The following MAP3K9 variants were observed in gnomAD, a reference collection of about 807,000 sequenced individuals.
The protein encoded by MAP3K9 is mitogen-activated protein kinase kinase kinase 9.
A neutral mutation model predicts 95.8 loss-of-function variants in MAP3K9; 46 were observed. That is an observed-to-expected ratio of 0.48 (90% CI 0.38 to 0.61). MAP3K9 has a LOEUF of 0.61. MAP3K9 is among the 20% of genes least tolerant of loss of function. The probability of loss-of-function intolerance (pLI) is 0.00; values close to 1 mark genes in which losing one functional copy is unlikely to be tolerated. For synonymous variants in MAP3K9, 533 were observed against 593.8 expected (o/e 0.90, Z 1.49); for missense variants, 1,296 against 1,474.3 (o/e 0.88, Z 1.98).
At chr14:70,771,780 A>C (rs578036980) in intron 2 of MAP3K9, among the ~76,000 whole-genome samples, 1 of 152,336 alleles carries the variant, frequency 6.6e-6, no homozygotes, top group African/African-American at 2.4e-5. Context: ...AGCCCTATTC[A>C]TTAGACACAG....
chr14:70,739,759 GT>G, intron 7 of MAP3K9: 1 of 896,520 alleles, frequency 1.1e-6, no homozygotes, highest in East Asian at 2.7e-5. Context: ...TCACACACCA[GT>G]TTCTAAATTG....
chr14:70,792,909 T>C (rs1472440005), intron 2 of MAP3K9, among the ~76,000 whole-genome samples: 2 of 152,242 alleles, frequency 1.3e-5, no homozygotes, highest in African/African-American at 4.8e-5. Flanking sequence ...GGTGAAAGCA[T>C]GTCTTCAGCT....
chr14:70,760,769 C>G (rs2054362880), intron 3 of MAP3K9, among the ~76,000 whole-genome samples: 1 of 152,104 alleles, frequency 6.6e-6, no homozygotes, highest in African/African-American at 2.4e-5. Context: ...AGGGAGCAAT[C>G]ACCAGCAAAA....
At chr14:70,807,862 T>C (rs10873243) in intron 1 of MAP3K9, among the ~76,000 whole-genome samples, 11 of 151,906 alleles carry the variant, frequency 7.2e-5, no homozygotes, top group Admixed American at 4.6e-4. Context: ...GTATGAAATA[T>C]GGGGCTCCTG....
chr14:70,759,040 G>C (rs1190086889), intron 3 of MAP3K9, among the ~76,000 whole-genome samples: 1 of 152,182 alleles, frequency 6.6e-6, no homozygotes, highest in Non-Finnish European at 1.5e-5. Flanking sequence ...ATCCAGAACA[G>C]GCAAATTCAT....
chr14:70,796,216 G>A (rs1295803459), intron 2 of MAP3K9, among the ~76,000 whole-genome samples: 1 of 152,180 alleles, frequency 6.6e-6, no homozygotes, highest in Non-Finnish European at 1.5e-5. Context: ...TAACTATCAT[G>A]TAACTGGTTT....
chr14:70,763,209 G>A (rs1005386634), intron 2 of MAP3K9, among the ~76,000 whole-genome samples: 4 of 152,228 alleles, frequency 2.6e-5, no homozygotes, highest in African/African-American at 9.6e-5. Flanking sequence ...GTCCATAAGA[G>A]TGCATTGTGT....
At chr14:70,799,631 G>A (rs10083428) in intron 2 of MAP3K9, among the ~76,000 whole-genome samples, 37,164 of 152,126 alleles carry the variant, frequency 0.24, 4,881 homozygotes, top group South Asian at 0.38. Context: ...GAGCCACCGC[G>A]CCTGGCCTTA....
At chr14:70,747,654 A>G (rs1459924897) in intron 5 of MAP3K9, among the ~76,000 whole-genome samples, 1 of 152,176 alleles carries the variant, frequency 6.6e-6, no homozygotes, top group Non-Finnish European at 1.5e-5. Context: ...TGGAAACAAT[A>G]ATAACACCTG....
Position 70,809,274 on chromosome 14 carries a change from G to T in MAP3K9, c.-103C>A. 8.1e-7 allele frequency: 1 copy of T among 1,229,786 alleles called. No homozygotes were observed. The highest frequency in any genetic ancestry group is 1.0e-6 in the Non-Finnish European group (1 of 984,412). The allele number at this position is 1,229,786 out of a possible 1,614,324, so 76.2% of individuals were successfully genotyped here. ...AGAGCTGGGAGGACCCCCCCCCAAC[G>T]ACGGCGGCCGCAGGTAGGGCCCGGG... On this transcript the variant is annotated 5_prime_UTR_variant, in exon 1 of 12. Coordinates refer to ENST00000554752, the MANE Select transcript of MAP3K9 (RefSeq NM_001284230.2).
At chr14:70,795,756 C>G (rs1310001149) in intron 2 of MAP3K9, among the ~76,000 whole-genome samples, 1 of 148,872 alleles carries the variant, frequency 6.7e-6, no homozygotes, top group African/African-American at 2.5e-5. Context: ...TAACTTTTTT[C>G]ATTCTTTTTT....
At chr14:70,767,321 T>C (rs1255974855) in intron 2 of MAP3K9, among the ~76,000 whole-genome samples, 1 of 140,206 alleles carries the variant, frequency 7.1e-6, no homozygotes, top group African/African-American at 2.7e-5. Context: ...GAGGCGGAGG[T>C]TGAAGTGAGC....
rs923437687 is a variant in MAP3K9 at position 70,800,925 on chromosome 14, C to T, written c.562G>A (p.Val188Ile). 6.2e-7 allele frequency: 1 copy of T among 1,614,066 alleles called. No individual in the cohort carries two copies. The highest frequency in any genetic ancestry group is 8.5e-7 in the Non-Finnish European group (1 of 1,180,048). ...GCGAAGAGCTTGGCCTCTTGGCGAA[C>T]ATTCTCTATGGTCTGGCTGATGTCC... ...DEDISQTIEN[V>I]RQEAKLFAML... The change falls in exon 2 of 12, where the codon GTT (valine) becomes ATT (isoleucine). Residue 188 changes from valine to isoleucine, a missense_variant. Physicochemically the swap from Val to Ile is conservative, Grantham distance 29. Transcript: ENST00000554752.
At chr14:70,736,845 T>C (rs2053992915) in intron 8 of MAP3K9, among the ~76,000 whole-genome samples, 1 of 152,182 alleles carries the variant, frequency 6.6e-6, no homozygotes. Flanking sequence ...ATATCTAAAC[T>C]TTCTGCTCAA....
intron 3 of MAP3K9, among the ~76,000 whole-genome samples, chr14:70,753,186 G>GA (rs2054253376): frequency 6.6e-6 from 1 of 152,142 alleles, no homozygotes; most frequent in Admixed American, 6.5e-5. Context: ...GAGTTACAAG[G>GA]AATCACTAAC....
chr14:70,774,535 C>T (rs1436259348), intron 2 of MAP3K9, among the ~76,000 whole-genome samples: 5 of 151,678 alleles, frequency 3.3e-5, no homozygotes, highest in Non-Finnish European at 5.9e-5. Flanking sequence ...TGGTGGTGGG[C>T]GCCTGTAATC....
At chr14:70,785,786 A>G (rs1169690149) in intron 2 of MAP3K9, among the ~76,000 whole-genome samples, 1 of 152,210 alleles carries the variant, frequency 6.6e-6, no homozygotes, top group East Asian at 1.9e-4. Flanking sequence ...TGTGATTCAC[A>G]TCCCACACAA....
In MAP3K9 at chr14:70,730,149, C is replaced by G. The variant is rs1246688971; in HGVS notation, c.*231G>C. The G allele has an allele frequency of 3.5e-6, 2 of 575,244 alleles. No individual in the cohort carries two copies. The highest frequency in any genetic ancestry group is 1.9e-5 in the African/African-American group (1 of 53,524). 35.6% of individuals were successfully genotyped at this position (575,244 alleles called of 1,614,324 possible). On this transcript the variant is annotated 3_prime_UTR_variant, in exon 12 of 12. Coordinates refer to ENST00000554752, the MANE Select transcript of MAP3K9 (RefSeq NM_001284230.2). ...TGCATGCACCCCTTCCTCCCCTACA[C>G]AGCCAGAGCTGATGGCCACAGCCCC...
At chr14:70,753,466 G>A (rs145927258) in intron 3 of MAP3K9, among the ~76,000 whole-genome samples, 43 of 152,336 alleles carry the variant, frequency 2.8e-4, no homozygotes, top group African/African-American at 1.0e-3. Context: ...TGGGAAAAAA[G>A]ACTGGAGAAA....
Sources: allele counts gnomAD v4.1 joint callset (sites outside exome capture counted in the v4.1 genomes callset), GRCh38; gene constraint gnomAD v4.1.1; transcripts MANE v1.5; gene names NCBI Gene and HGNC (gene_info 2026-07-23, HGNC 2026-07-21).